The following SPAST variants were observed in gnomAD, a reference collection of about 807,000 sequenced individuals.
SPAST encodes spastin, also known as spastic paraplegia 4 (autosomal dominant; spastin).
Under a neutral mutation model 76.6 loss-of-function variants are expected in SPAST, and 30 were observed. The ratio of observed to expected loss-of-function variants is 0.39; its 90% CI spans 0.29 to 0.53. The LOEUF is 0.53. Ranked by LOEUF, SPAST falls within the 20% of genes least tolerant of loss-of-function variation. The pLI is 0.68. For missense variants in SPAST, 717 were observed against 770.5 expected (o/e 0.93, Z 0.82); for synonymous variants, 305 against 281.0 (o/e 1.09, Z -0.86).
chr2:32,119,506 TACTC>T (rs1678948072), intron 7 of SPAST, among the ~76,000 whole-genome samples: 1 of 152,204 alleles, frequency 6.6e-6, no homozygotes, highest in South Asian at 2.1e-4. Context: ...ATACTAAAGA[TACTC>T]ACTTGAGGTA....
intron 12 of SPAST, among the ~76,000 whole-genome samples, chr2:32,138,307 T>G (rs1679609069): frequency 6.6e-6 from 1 of 152,174 alleles, no homozygotes; most frequent in Admixed American, 6.5e-5. Flanking sequence ...CACCAACATC[T>G]GTTATTTTTT....
chr2:32,137,638 A>G (rs1347641078), intron 12 of SPAST, among the ~76,000 whole-genome samples: 1 of 152,198 alleles, frequency 6.6e-6, no homozygotes, highest in Non-Finnish European at 1.5e-5. Context: ...ATATTGCTCC[A>G]TTGTTTCTAG....
At chr2:32,095,547 C>T (rs760864754) in intron 3 of SPAST, among the ~76,000 whole-genome samples, 1 of 149,924 alleles carries the variant, frequency 6.7e-6, no homozygotes. Context: ...GCCTGGACAG[C>T]GTACTGAGAC....
intron 4 of SPAST, among the ~76,000 whole-genome samples, chr2:32,109,279 T>C (rs887090574): frequency 6.6e-6 from 1 of 151,900 alleles, no homozygotes; most frequent in South Asian, 2.1e-4. Context: ...CAGATTATTT[T>C]TGTGTTTTTA....
intron 1 of SPAST, among the ~76,000 whole-genome samples, chr2:32,071,561 C>T (rs1007809211): frequency 6.6e-6 from 1 of 152,140 alleles, no homozygotes; most frequent in Non-Finnish European, 1.5e-5. Context: ...CCAAGGTGGT[C>T]AGGCTATAGC....
Position 32,115,685 on chromosome 2 carries a change from A to G in SPAST, c.871-17A>G, listed in dbSNP as rs1378905488. The G allele has an allele frequency of 1.3e-6, 2 of 1,580,982 alleles. No individual in the cohort carries two copies. The highest frequency in any genetic ancestry group is 2.3e-5 in the South Asian group (2 of 88,344). ...TGTTAGGTTGTATTTTCATATTAAAATTTTGTATCCTTTAAGGGTACTCCG... is the reference window on the plus strand; with the variant it reads ...TGTTAGGTTGTATTTTCATATTAAAGTTTTGTATCCTTTAAGGGTACTCCG... On this transcript the variant is annotated splice_polypyrimidine_tract_variant and intron_variant, in intron 5 of 16. Transcript: ENST00000315285.
intron 3 of SPAST, among the ~76,000 whole-genome samples, chr2:32,095,134 A>G (rs1418580450): frequency 6.6e-6 from 1 of 152,232 alleles, no homozygotes; most frequent in Non-Finnish European, 1.5e-5. Flanking sequence ...AGAGGCTTGC[A>G]CCAGGGTAGT....
chr2:32,091,014 ACTTGT>A (rs1016630820), intron 3 of SPAST, among the ~76,000 whole-genome samples: 17 of 151,908 alleles, frequency 1.1e-4, no homozygotes, highest in Non-Finnish European at 2.2e-4. Context: ...AGAAACTTTT[ACTTGT>A]CTTCTGTTTG....
chr2:32,132,986 C>T (rs555159078), intron 9 of SPAST, among the ~76,000 whole-genome samples: 3 of 151,798 alleles, frequency 2.0e-5, no homozygotes, highest in Non-Finnish European at 2.9e-5. Context: ...GCGGAGGTTG[C>T]GGTGAGCCGA....
chr2:32,070,722 C>A (rs542242707), intron 1 of SPAST, among the ~76,000 whole-genome samples: 11 of 152,104 alleles, frequency 7.2e-5, no homozygotes, highest in Admixed American at 7.2e-4. Context: ...TTCAGCCTCG[C>A]AGGCTCAATC....
intron 1 of SPAST, among the ~76,000 whole-genome samples, chr2:32,086,198 T>C (rs923791017): frequency 5.3e-5 from 8 of 151,586 alleles, no homozygotes; most frequent in Non-Finnish European, 1.2e-4. Flanking sequence ...TCACTCAGGC[T>C]TGTAATCCCA....
chr2:32,083,730 A>G (rs1677335286), intron 1 of SPAST, among the ~76,000 whole-genome samples: 1 of 81,130 alleles, frequency 1.2e-5, no homozygotes, highest in Non-Finnish European at 2.4e-5. Flanking sequence ...ATTTATATAT[A>G]CTATATATAT....
Position 32,114,657 on chromosome 2 carries a change from A to G in SPAST, c.702A>G (p.Lys234=). The G allele has an allele frequency of 1.2e-6, 2 of 1,614,146 alleles. No homozygotes were observed. The highest frequency in any genetic ancestry group is 1.7e-6 in the Non-Finnish European group (2 of 1,179,992). ...TGTCAGAAAGTGGAGCTGTTCCAAA[A>G]AGAAAAGACCCCTTAACACACACTA... The part of the protein sequence containing the change: ...HLQSESGAVP[K]RKDPLTHTSN... The change falls in exon 5 of 17, where the codon AAA becomes AAG. Residue 234 remains lysine (K), a synonymous_variant. Coordinates refer to ENST00000315285, the MANE Select transcript of SPAST (RefSeq NM_014946.4).
intron 7 of SPAST, among the ~76,000 whole-genome samples, chr2:32,118,784 G>A (rs976716465): frequency 3.3e-5 from 5 of 152,020 alleles, no homozygotes; most frequent in African/African-American, 1.2e-4. Context: ...ATTTATTAAG[G>A]GACATGCTTT....
chr2:32,089,476 T>C (rs1321415199), intron 2 of SPAST, 46 bp from the exon 3 acceptor site: 26 of 1,040,750 alleles, frequency 2.5e-5, no homozygotes, highest in Non-Finnish European at 3.6e-5. Flanking sequence ...CGTGAAACAA[T>C]ATTAGTTGGG....
At chr2:32,128,338 G>A (rs1281024888) in intron 8 of SPAST, 70 bp from the exon 9 acceptor site, 10 of 1,127,406 alleles carry the variant, frequency 8.9e-6, no homozygotes, top group Non-Finnish European at 1.1e-5. Flanking sequence ...TACTTAAATC[G>A]GTAAATATGG....
At chr2:32,130,696 G>A (rs937299303) in intron 9 of SPAST, 3 of 147,546 alleles carry the variant, frequency 2.0e-5, no homozygotes, top group African/African-American at 7.7e-5. Context: ...TCCAGCCTGG[G>A]CAACTGAGTG....
At position 32,132,685 on chromosome 2, in the gene SPAST, T is replaced by TCAGATGTGA. The variant is rs1679409722; in HGVS notation, c.1246-3876_1246-3868dup. On this transcript the variant is annotated intron_variant, in intron 9 of 16. Coordinates refer to ENST00000315285, the MANE Select transcript of SPAST (RefSeq NM_014946.4). ...CTAGATAAGAACTGAATATTTTACCTCAGATGTGACCTGACTTTGAAGACT... is the reference window on the plus strand; with the variant it reads ...CTAGATAAGAACTGAATATTTTACCTCAGATGTGACAGATGTGACCTGACTTTGAAGACT... Among the ~76,000 whole-genome samples the TCAGATGTGA allele has an allele frequency of 3.3e-5, 5 of 152,054 alleles. No homozygotes were observed. The South Asian group carries it at 1.0e-3, about 32-fold the overall frequency.
chr2:32,088,789 TGTTTTA>T (rs1464123624), intron 2 of SPAST, among the ~76,000 whole-genome samples: 2 of 152,226 alleles, frequency 1.3e-5, no homozygotes, highest in East Asian at 3.8e-4. Context: ...TTGAAGAGGC[TGTTTTA>T]GTTTTATTTA....
Sources: allele counts gnomAD v4.1 joint callset (sites outside exome capture counted in the v4.1 genomes callset), GRCh38; gene constraint gnomAD v4.1.1; transcripts MANE v1.5; gene names NCBI Gene and HGNC (gene_info 2026-07-23, HGNC 2026-07-21).